CYB561: variants seen among roughly 807,000 people sequenced by gnomAD.
The protein encoded by CYB561 is transmembrane ascorbate-dependent reductase CYB561.
In CYB561, 11 loss-of-function variants were observed where a neutral mutation model predicts 25.3. The observed-to-expected ratio is 0.44, with a 90% CI of 0.27 to 0.72. CYB561 has a LOEUF of 0.72. Ranked by LOEUF, CYB561 falls within the 30% of genes least tolerant of loss-of-function variation. The pLI is 0.18. For missense variants in CYB561, 295 were observed against 334.9 expected (o/e 0.88, Z 0.93); for synonymous variants, 165 against 158.8 (o/e 1.04, Z -0.29).
chr17:63,440,220 A>G (rs2049361134), intron 1 of CYB561: 1 of 398,584 alleles, frequency 2.5e-6, no homozygotes, highest in Non-Finnish European at 4.4e-6. Flanking sequence ...CTTCAAACCC[A>G]GCTCGTCCCA....
At chr17:63,437,626 G>T in intron 1 of CYB561, 66 bp from the exon 2 acceptor site, 2 of 1,338,360 alleles carry the variant, frequency 1.5e-6, no homozygotes, top group Non-Finnish European at 2.0e-6. Flanking sequence ...AGCCCCCGCG[G>T]ATGCACACAG....
At position 63,435,670 on chromosome 17, in the gene CYB561, G is replaced by C; in HGVS notation, c.405+18C>G. 3 of 1,606,916 alleles carry C rather than the reference G, an allele frequency of 1.9e-6. No individual in the cohort carries two copies. The highest frequency in any genetic ancestry group is 2.6e-6 in the Non-Finnish European group (3 of 1,173,382). ...CCCTGGTAGGTGGCCCCAGGCCCGG[G>C]GTGTTGGAAGGACTCACCTGCACAA... On this transcript the variant is annotated intron_variant, in intron 4 of 5. Transcript: ENST00000360793.
intron 1 of CYB561, among the ~76,000 whole-genome samples, chr17:63,441,274 T>G (rs2049373043): frequency 6.6e-6 from 1 of 152,252 alleles, no homozygotes; most frequent in African/African-American, 2.4e-5. Context: ...CAACAGCCTG[T>G]GAGCACCTGC....
intron 2 of CYB561, 62 bp downstream of exon 2, chr17:63,437,284 G>C: frequency 7.3e-7 from 1 of 1,367,814 alleles, no homozygotes; most frequent in South Asian, 1.2e-5. Context: ...CAAGACCCCT[G>C]CAAACTGCCT....
chr17:63,444,052 C>CGA (rs1396483052), intron 1 of CYB561, among the ~76,000 whole-genome samples: 7 of 151,650 alleles, frequency 4.6e-5, no homozygotes, highest in South Asian at 2.1e-4. Flanking sequence ...GGCAAGATCT[C>CGA]GGGTCACCGC....
chr17:63,444,887 A>G lies in CYB561; in HGVS notation c.-14+1358T>C, dbSNP rs143451436. 4.1e-3 allele frequency among the ~76,000 whole-genome samples: 621 copies of G among 152,326 alleles called. 2 individuals are homozygous for G. The highest frequency in any genetic ancestry group is 0.02 in the Middle Eastern group (6 of 294). On this transcript the variant is annotated intron_variant, in intron 1 of 5. Transcript: ENST00000360793. ...AAAGTGGTGAGGGCAGAAAAGTAGT[A>G]GGACAAGGCTGGGCACGGTGGCTCA... is the stretch of plus-strand genomic sequence containing the variant.
chr17:63,439,829 G>T (rs577782715), intron 1 of CYB561, among the ~76,000 whole-genome samples: 4 of 152,238 alleles, frequency 2.6e-5, no homozygotes, highest in Admixed American at 2.6e-4. Flanking sequence ...GCATTGCACG[G>T]CCATTTTTTA....
chr17:63,434,755 A>AATC, intron 5 of CYB561, 161 bp from the exon 6 acceptor site: 1 of 643,634 alleles, frequency 1.6e-6, no homozygotes, highest in Non-Finnish European at 2.6e-6. Context: ...CCCAACCAGC[A>AATC]ATCTCCAGCT....
chr17:63,436,232 G>A lies in CYB561; in HGVS notation c.203-80C>T, dbSNP rs2147491438. On this transcript the variant is annotated intron_variant, in intron 2 of 5. Transcript: ENST00000360793. The surrounding 1 kb of genome is among the most constrained non-coding windows in gnomAD (Gnocchi z 4.8). Reference sequence around the variant, plus strand: ...TGCCCCAGCAGCAAGGAGGCACCTTGGTGGAGAGGTGATGTGAGCTGACGG... The same window carrying A: ...TGCCCCAGCAGCAAGGAGGCACCTTAGTGGAGAGGTGATGTGAGCTGACGG... The A allele has an allele frequency of 6.5e-7, 1 of 1,526,830 alleles. No homozygotes were observed. Among genetic ancestry groups the A allele is most frequent in the Admixed American group, 1.8e-5 (1 of 54,232 alleles). 94.6% of individuals were successfully genotyped at this position (1,526,830 alleles called of 1,614,324 possible).
At chr17:63,434,989 A>T in intron 5 of CYB561, 97 bp downstream of exon 5, 1 of 1,309,488 alleles carries the variant, frequency 7.6e-7, no homozygotes, top group Non-Finnish European at 1.0e-6. Context: ...ACGCCACGAG[A>T]GGCGGCTCAG....
At chr17:63,435,460 C>T in intron 4 of CYB561, 1 of 686,374 alleles carries the variant, frequency 1.5e-6, no homozygotes, top group South Asian at 1.9e-5. Context: ...ACTCAGAAAG[C>T]TGGGCTTGTG....
chr17:63,434,673 A>G, intron 5 of CYB561, 79 bp from the exon 6 acceptor site: 1 of 1,296,634 alleles, frequency 7.7e-7, no homozygotes, highest in Non-Finnish European at 1.1e-6. Flanking sequence ...TGGGCCTTAA[A>G]GATGCCATGG....
At chr17:63,437,124 G>C in intron 2 of CYB561, 1 of 562,976 alleles carries the variant, frequency 1.8e-6, no homozygotes, top group Non-Finnish European at 3.2e-6. Context: ...GAAACGAGGT[G>C]AAAATGCTGG....
chr17:63,446,420 C>T (rs555634246), upstream of CYB561: 1 of 152,042 alleles, frequency 6.6e-6, no homozygotes, highest in South Asian at 2.1e-4. Flanking sequence ...GTGCCAGGTC[C>T]CCGCGGTTGC....
Position 63,432,592 on chromosome 17 carries a change from A to G in CYB561, c.*1810T>C, listed in dbSNP as rs1158543546. On this transcript the variant is annotated 3_prime_UTR_variant, in exon 6 of 6. Transcript: ENST00000360793. ...TTCCCACATGTAAACATTTCACTAT[A>G]CAAGTGTGTGCCAGCTGATTGAAGA... is the stretch of plus-strand genomic sequence containing the variant. 1 of 152,288 alleles carries G rather than the reference A, an allele frequency of 6.6e-6. No homozygotes were observed. The highest frequency in any genetic ancestry group is 2.4e-5 in the African/African-American group (1 of 41,460). The allele number at this position is 152,288 out of a possible 1,614,324, so 9.4% of individuals were successfully genotyped here.
rs753189821 is a variant in CYB561, at chr17:63,435,233, C to G, written c.416G>C (p.Gly139Ala). 5 of 1,613,576 alleles carry G rather than the reference C, an allele frequency of 3.1e-6. No individual in the cohort carries two copies. Among genetic ancestry groups the G allele is most frequent in the South Asian group, 1.1e-5 (1 of 91,038 alleles). The change falls in exon 5 of 6, where the codon GGC becomes GCC. Residue 139 changes from glycine to alanine, a missense_variant. Physicochemically the swap from Gly to Ala is moderately conservative, Grantham distance 60 (BLOSUM62 0). Coordinates refer to ENST00000360793, the MANE Select transcript of CYB561 (RefSeq NM_001915.4). The stretch of plus-strand genomic sequence containing the variant: ...TCCGGGGAACAGGAAGAAGCTGAAG[C>G]CCACCAGCCACTAGGATTTGAAAGG... Reference protein sequence around the residue: ...FVLYFVQWLVGFSFFLFPGAS... With the variant: ...FVLYFVQWLVAFSFFLFPGAS...
intron 1 of CYB561, chr17:63,440,253 G>A (rs376591174): frequency 1.4e-4 from 56 of 398,652 alleles, no homozygotes; most frequent in African/African-American, 9.5e-4. Flanking sequence ...TCCCATCGTC[G>A]CCAAGTTCTC....
intron 4 of CYB561, 62 bp from the exon 5 acceptor site, chr17:63,435,305 G>C (rs192119270): frequency 2.5e-6 from 4 of 1,569,018 alleles, no homozygotes; most frequent in Non-Finnish European, 3.5e-6. Flanking sequence ...AGCCGAGGTC[G>C]GCCAGGCCCA....
intron 1 of CYB561, among the ~76,000 whole-genome samples, chr17:63,440,030 A>G (rs925271263): frequency 3.3e-5 from 5 of 152,182 alleles, no homozygotes; most frequent in African/African-American, 1.2e-4. Flanking sequence ...CCACATTCCC[A>G]GGGTGGACGG....
Sources: gnomAD v4.1 joint callset for allele counts (sites outside exome capture counted in the v4.1 genomes callset) on GRCh38, gnomAD v4.1.1 for gene constraint, Gnocchi (gnomAD v3.1) non-coding constraint, MANE v1.5 for transcripts, NCBI Gene and HGNC (gene_info 2026-07-23, HGNC 2026-07-21) for gene names.